Variants in THBD observed in about 807,000 individuals in gnomAD.
THBD encodes the protein CD141 antigen.
For missense variants in THBD, 850 were observed against 816.9 expected (o/e 1.04, Z -0.49); for synonymous variants, 449 against 374.2 (o/e 1.20, Z -2.31).
chr20:23,049,345 C>T lies in THBD; in HGVS notation c.160G>A (p.Gly54Arg), dbSNP rs1600410533. Residue 54 changes from glycine (G) to arginine (R), a missense_variant, in exon 1 of 1, where the codon GGA becomes AGA. Coordinates refer to ENST00000377103, the MANE Select transcript of THBD (RefSeq NM_000361.3). Reference protein sequence around the residue: ...TFLNASQICDGLRGHLMTVRS... With the variant: ...TFLNASQICDRLRGHLMTVRS... ...ACTGTCATTAGGTGGCCCCGCAGTC[C>T]GTCGCAGATCTGACTGGCATTGAGG... The T allele has an allele frequency of 2.5e-6, 4 of 1,605,748 alleles. No individual in the cohort carries two copies. The highest frequency in any genetic ancestry group is 3.4e-6 in the Non-Finnish European group (4 of 1,177,178).
chr20:23,047,891 G>C lies in THBD; in HGVS notation c.1614C>G (p.His538Gln). 1 of 1,606,902 alleles carries C rather than the reference G, an allele frequency of 6.2e-7. No individual in the cohort carries two copies. Among genetic ancestry groups the C allele is most frequent in the Non-Finnish European group, 8.5e-7 (1 of 1,177,022 alleles). Residue 538 changes from histidine to glutamine, a missense_variant, in exon 1 of 1, where the codon CAC becomes CAG. By Grantham distance (24) the His-to-Gln change is conservative (BLOSUM62 0). Transcript: ENST00000377103. ...TGGCGGCGCCCTGCTTCTTGCGCAG[G>C]TGGCAGAGGAGCGCCAAAAGCGCCA... ...LVVALLALLC[H>Q]LRKKQGAARA... is the part of the protein sequence containing the mutation.
chr20:23,049,087 CAG>C lies in THBD; in HGVS notation c.416_417del (p.Ala139GlyfsTer5). The C allele has an allele frequency of 6.3e-7, 1 of 1,581,970 alleles. No individual in the cohort carries two copies. The highest frequency in any genetic ancestry group is 8.6e-7 in the Non-Finnish European group (1 of 1,166,024). On this transcript the variant is annotated frameshift_variant, in exon 1 of 1. Coordinates refer to ENST00000377103, the MANE Select transcript of THBD (RefSeq NM_000361.3). LOFTEE classifies it low-confidence loss of function (END_TRUNC). The part of the protein sequence containing the change: ...GAPLCGPLCV[A>X]VSAAEATVPS... ...GGCACAGTGGCCTCAGCAGCGGAGA[CAG>C]CGACGCACAACGGGCCGCAGAGGGG... is the stretch of plus-strand genomic sequence containing the variant.
Position 23,049,567 on chromosome 20 carries a change from C to A in THBD, c.-63G>T, listed in dbSNP as rs1399455567. 6.5e-7 allele frequency: 1 copy of A among 1,535,892 alleles called. No homozygotes were observed. The highest frequency in any genetic ancestry group is 2.5e-5 in the East Asian group (1 of 40,082). On this transcript the variant is annotated 5_prime_UTR_variant, in exon 1 of 1. Coordinates refer to ENST00000377103, the MANE Select transcript of THBD (RefSeq NM_000361.3). ...CGCGGGCACTGCGACAGGGCCGTGC[C>A]GGAGCAGAGGGGCACAGGACGCCGA...
rs1346419751 is a variant in THBD, at chr20:23,049,573, A to C, written c.-69T>G. The C allele has an allele frequency of 6.5e-7, 1 of 1,534,838 alleles. No individual in the cohort carries two copies. Among genetic ancestry groups the C allele is most frequent in the Non-Finnish European group, 8.8e-7 (1 of 1,135,620 alleles). On this transcript the variant is annotated 5_prime_UTR_variant, in exon 1 of 1. Transcript: ENST00000377103. Reference sequence around the variant, plus strand: ...CACTGCGACAGGGCCGTGCCGGAGCAGAGGGGCACAGGACGCCGATGGCGA... The same window carrying C: ...CACTGCGACAGGGCCGTGCCGGAGCCGAGGGGCACAGGACGCCGATGGCGA...
At position 23,047,504 on chromosome 20, in the gene THBD, A is replaced by G; in HGVS notation, c.*273T>C. ...TAACGCTCACCCTCCTGCGCCCGGT[A>G]GTGAGGACCTGGGACAAATCGCAGT... On this transcript the variant is annotated 3_prime_UTR_variant, in exon 1 of 1. Coordinates refer to ENST00000377103, the MANE Select transcript of THBD (RefSeq NM_000361.3). 1.9e-6 allele frequency: 1 copy of G among 522,480 alleles called. No individual in the cohort carries two copies. The highest frequency in any genetic ancestry group is 3.4e-6 in the Non-Finnish European group (1 of 294,710). The allele number at this position is 522,480 out of a possible 1,614,324, so 32.4% of individuals were successfully genotyped here.
Position 23,047,735 on chromosome 20 carries a change from CACA to C in THBD, c.*39_*41del. ...GGTAGCAAAGCTGGGGGTGAGGAGG[CACA>C]GGCTCCTGGACGGAGCCAGGCTCCT... is the stretch of plus-strand genomic sequence containing the variant. On this transcript the variant is annotated 3_prime_UTR_variant, in exon 1 of 1. Coordinates refer to ENST00000377103, the MANE Select transcript of THBD (RefSeq NM_000361.3). The C allele has an allele frequency of 1.3e-6, 2 of 1,538,814 alleles. No individual in the cohort carries two copies. The highest frequency in any genetic ancestry group is 1.8e-6 in the Non-Finnish European group (2 of 1,141,978).
chr20:23,049,463 G>T lies in THBD; in HGVS notation c.42C>A (p.Gly14=). The T allele has an allele frequency of 6.5e-7, 1 of 1,547,678 alleles. No homozygotes were observed. ...VLVLGALALA[G]LGFPAPAEPQ... ...GCTCTGCGGGTGCGGGGAACCCCAGGCCGGCCAGGGCCAGCGCGCCAAGGA... is the reference window on the plus strand; with the variant it reads ...GCTCTGCGGGTGCGGGGAACCCCAGTCCGGCCAGGGCCAGCGCGCCAAGGA... Residue 14 remains glycine (G), a synonymous_variant, in exon 1 of 1, where the codon GGC becomes GGA. Coordinates refer to ENST00000377103, the MANE Select transcript of THBD (RefSeq NM_000361.3).
chr20:23,047,977 C>T lies in THBD; in HGVS notation c.1528G>A (p.Val510Met), dbSNP rs555537779. 17 of 1,608,706 alleles carry T rather than the reference C, an allele frequency of 1.1e-5. No homozygotes were observed. Among genetic ancestry groups the T allele is most frequent in the Non-Finnish European group, 1.4e-5 (17 of 1,177,890 alleles). The change falls in exon 1 of 1, where the codon GTG becomes ATG. Residue 510 changes from valine (V) to methionine (M), a missense_variant. Transcript: ENST00000377103. ...AGCAAGCCCGAATGCACGAGCCCCACGGCCGGAGGAGTCAAGGTGGAGCCG... is the reference window on the plus strand; with the variant it reads ...AGCAAGCCCGAATGCACGAGCCCCATGGCCGGAGGAGTCAAGGTGGAGCCG... ...TPGSTLTPPAVGLVHSGLLIG... is the reference protein window; with the variant it reads ...TPGSTLTPPAMGLVHSGLLIG...
At position 23,047,846 on chromosome 20, in the gene THBD, C is replaced by T. The variant is rs777258948; in HGVS notation, c.1659G>A (p.Lys553=). 31 of 1,600,492 alleles carry T rather than the reference C, an allele frequency of 1.9e-5. No individual in the cohort carries two copies. The highest frequency in any genetic ancestry group is 2.5e-5 in the Non-Finnish European group (29 of 1,173,916). The change falls in exon 1 of 1, where the codon AAG becomes AAA. Residue 553 remains lysine, a synonymous_variant. Coordinates refer to ENST00000377103, the MANE Select transcript of THBD (RefSeq NM_000361.3). ...CTACCTCCTTGGAAGGGGCCGCGCA[C>T]TTGTACTCCATCTTGGCCCTGGCGG... ...QGAARAKMEY[K]CAAPSKEVVL... is the part of the protein sequence containing the mutation.
chr20:23,046,915 C>G lies in THBD; in HGVS notation c.*862G>C, dbSNP rs961874360. On this transcript the variant is annotated 3_prime_UTR_variant, in exon 1 of 1. Transcript: ENST00000377103. ...AAAACAGCAACAAAATTCAGGCTCA[C>G]TGTTTAAAAGTAAAGATAAATACCT... 5.9e-5 allele frequency: 9 copies of G among 152,204 alleles called. No homozygotes were observed. Among genetic ancestry groups the G allele is most frequent in the African/African-American group, 2.2e-4 (9 of 41,442 alleles). The allele number at this position is 152,204 out of a possible 1,614,324, so 9.4% of individuals were successfully genotyped here.
At position 23,049,274 on chromosome 20, in the gene THBD, G is replaced by A. The variant is rs1470159781; in HGVS notation, c.231C>T (p.Gly77=). 6.7e-7 allele frequency: 1 copy of A among 1,486,870 alleles called. No homozygotes were observed. The highest frequency in any genetic ancestry group is 9.0e-7 in the Non-Finnish European group (1 of 1,110,548). The allele number at this position is 1,486,870 out of a possible 1,614,324, so 92.1% of individuals were successfully genotyped here. Reference sequence around the variant, plus strand: ...GGCGCCGGCGGCCAACGCCGCCGTCGCCGTTCAGTAGCAAGGAAATGACAT... The same window carrying A: ...GGCGCCGGCGGCCAACGCCGCCGTCACCGTTCAGTAGCAAGGAAATGACAT... ...AADVISLLLN[G]DGGVGRRRLW... The change falls in exon 1 of 1, where the codon GGC becomes GGT. Residue 77 remains glycine, a synonymous_variant. Transcript: ENST00000377103.
chr20:23,049,183 A>T lies in THBD; in HGVS notation c.322T>A (p.Phe108Ile), dbSNP rs1384827446. The change falls in exon 1 of 1, where the codon TTC becomes ATC. Residue 108 changes from phenylalanine to isoleucine, a missense_variant. Transcript: ENST00000377103. ...TTGTTGTCTCCCGTAACCCACTGGA[A>T]GCCGCGCAGGGGCCCGAGGCGCTTG... ...DPKRLGPLRG[F>I]QWVTGDNNTS... The T allele has an allele frequency of 6.4e-7, 1 of 1,572,710 alleles. No homozygotes were observed. Among genetic ancestry groups the T allele is most frequent in the Non-Finnish European group, 8.6e-7 (1 of 1,159,020 alleles).
chr20:23,048,527 C>A lies in THBD; in HGVS notation c.978G>T (p.Val326=). 2 of 1,602,958 alleles carry A rather than the reference C, an allele frequency of 1.2e-6. No individual in the cohort carries two copies. Among genetic ancestry groups the A allele is most frequent in the Non-Finnish European group, 1.7e-6 (2 of 1,179,916 alleles). ...LAADQHRCED[V]DDCILEPSPC... is the part of the protein sequence containing the mutation. ...GACTGGGCTCCAGTATGCAGTCATC[C>A]ACGTCCTCGCACCGGTGTTGGTCGG... is the stretch of plus-strand genomic sequence containing the variant. The change falls in exon 1 of 1, where the codon GTG becomes GTT. Residue 326 remains valine, a synonymous_variant. Coordinates refer to ENST00000377103, the MANE Select transcript of THBD (RefSeq NM_000361.3).
chr20:23,048,789 G>A lies in THBD; in HGVS notation c.716C>T (p.Ala239Val), dbSNP rs886056547. 7.9e-5 allele frequency: 122 copies of A among 1,540,246 alleles called. No homozygotes were observed. Among genetic ancestry groups the A allele is most frequent in the Non-Finnish European group, 1.0e-4 (116 of 1,149,976 alleles). ...CACGCTGCAGTCCCAAGCGCCCGGC[G>A]CCTCCCTGGCCCAGTGCCCCTGGAC... is the stretch of plus-strand genomic sequence containing the variant. ...GAVQGHWAREAPGAWDCSVEN... is the reference protein window; with the variant it reads ...GAVQGHWAREVPGAWDCSVEN... The change falls in exon 1 of 1, where the codon GCG becomes GTG. Residue 239 changes from alanine to valine, a missense_variant. Physicochemically the swap from Ala to Val is moderately conservative, Grantham distance 64 (BLOSUM62 0). Transcript: ENST00000377103.
rs201936427 is a variant in THBD, at chr20:23,047,982, G to A, written c.1523C>T (p.Pro508Leu). The change falls in exon 1 of 1, where the codon CCG (proline) becomes CTG (leucine). Residue 508 changes from proline to leucine, a missense_variant. Coordinates refer to ENST00000377103, the MANE Select transcript of THBD (RefSeq NM_000361.3). ...GCCCGAATGCACGAGCCCCACGGCC[G>A]GAGGAGTCAAGGTGGAGCCGGGCGT... ...SPTPGSTLTP[P>L]AVGLVHSGLL... 143 of 1,608,272 alleles carry A rather than the reference G, an allele frequency of 8.9e-5. 1 individual carries two copies. Among genetic ancestry groups the A allele is most frequent in the South Asian group, 8.9e-5 (8 of 90,324 alleles).
rs867709352 is a variant in THBD at position 23,047,842 on chromosome 20, C to A, written c.1663G>T (p.Ala555Ser). 6.3e-7 allele frequency: 1 copy of A among 1,599,698 alleles called. No individual in the cohort carries two copies. Residue 555 changes from alanine (A) to serine (S), a missense_variant, in exon 1 of 1, where the codon GCG becomes TCG. Physicochemically the swap from Ala to Ser is moderately conservative, Grantham distance 99. Coordinates refer to ENST00000377103, the MANE Select transcript of THBD (RefSeq NM_000361.3). ...AARAKMEYKCAAPSKEVVLQH... is the reference protein window; with the variant it reads ...AARAKMEYKCSAPSKEVVLQH... ...AGCACTACCTCCTTGGAAGGGGCCG[C>A]GCACTTGTACTCCATCTTGGCCCTG...
In THBD at chr20:23,048,835, A is replaced by C. The variant is rs1324199345; in HGVS notation, c.670T>G (p.Cys224Gly). The C allele has an allele frequency of 6.6e-7, 1 of 1,510,462 alleles. No homozygotes were observed. The highest frequency in any genetic ancestry group is 8.8e-7 in the Non-Finnish European group (1 of 1,133,652). 93.6% of individuals were successfully genotyped at this position (1,510,462 alleles called of 1,614,324 possible). The change falls in exon 1 of 1, where the codon TGC becomes GGC. Residue 224 changes from cysteine (C) to glycine (G), a missense_variant. Physicochemically the swap from Cys to Gly is radical, Grantham distance 159. Coordinates refer to ENST00000377103, the MANE Select transcript of THBD (RefSeq NM_000361.3). Reference protein sequence around the residue: ...AVAPLGLQLMCTAPPGAVQGH... With the variant: ...AVAPLGLQLMGTAPPGAVQGH... ...TGGACCGCTCCGGGCGGCGCGGTGC[A>C]CATTAGCTGTAAGCCGAGGGGAGCC... is the stretch of plus-strand genomic sequence containing the variant.
rs975565753 is a variant in THBD, at chr20:23,048,647, C to T, written c.858G>A (p.Gln286=). 2 of 1,594,530 alleles carry T rather than the reference C, an allele frequency of 1.3e-6. No individual in the cohort carries two copies. Among genetic ancestry groups the T allele is most frequent in the African/African-American group, 2.7e-5 (2 of 74,874 alleles). ...DGRSCTASAT[Q]SCNDLCEHFC... is the part of the protein sequence containing the mutation. ...AGTGCTCGCAGAGGTCGTTGCAGGA[C>T]TGCGTCGCGGATGCGGTGCAGGAGC... The change falls in exon 1 of 1, where the codon CAG becomes CAA. Residue 286 remains glutamine (Q), a synonymous_variant. Transcript: ENST00000377103.
Position 23,047,990 on chromosome 20 carries a change from C to T in THBD, c.1515G>A (p.Leu505=). The part of the protein sequence containing the change: ...PPPSPTPGST[L]TPPAVGLVHS... The stretch of plus-strand genomic sequence containing the variant: ...GCACGAGCCCCACGGCCGGAGGAGT[C>T]AAGGTGGAGCCGGGCGTCGGGCTGG... The change falls in exon 1 of 1, where the codon TTG becomes TTA. Residue 505 remains leucine (L), a synonymous_variant. Transcript: ENST00000377103. 6.2e-7 allele frequency: 1 copy of T among 1,608,388 alleles called. No homozygotes were observed. Among genetic ancestry groups the T allele is most frequent in the South Asian group, 1.1e-5 (1 of 90,378 alleles).
Sources: gnomAD v4.1 joint callset for allele counts on GRCh38, gnomAD v4.1.1 for gene constraint, MANE v1.5 for transcripts, NCBI Gene and HGNC (gene_info 2026-07-23, HGNC 2026-07-21) for gene names.